Variants in NRXN1 observed in about 807,000 individuals in gnomAD.
The protein encoded by NRXN1 is neurexin-1.
In NRXN1, 39 loss-of-function variants were observed where a neutral mutation model predicts 150.9. The ratio of observed to expected loss-of-function variants is 0.26; its 90% CI spans 0.20 to 0.34. NRXN1 has a LOEUF of 0.34. Ranked by LOEUF, NRXN1 falls within the 10% of genes least tolerant of loss-of-function variation. The pLI is 1.00. For missense variants in NRXN1, 1,815 were observed against 1,949.9 expected, an observed-to-expected ratio of 0.93 and a Z score of 1.30; for synonymous variants, 924 against 757.0, an observed-to-expected ratio of 1.22 and a Z score of -3.62.
Position 50,054,615 on chromosome 2 carries a change from G to C in NRXN1, c.3808+340C>G, listed in dbSNP as rs183406862. On this transcript the variant is annotated intron_variant, in intron 20 of 22. Transcript: ENST00000401669. The stretch of plus-strand genomic sequence containing the variant: ...TACATATATTTTAGTTAATAATTTA[G>C]AGGCTGGAACATGTAATATAGTCTA... 3.3e-5 allele frequency among the ~76,000 whole-genome samples: 5 copies of C among 152,202 alleles called. No individual in the cohort carries two copies. The East Asian group carries it at 9.7e-4, about 30-fold the overall frequency.
At chr2:50,049,015 AG>A (rs1340200760) in intron 21 of NRXN1, among the ~76,000 whole-genome samples, 2 of 152,206 alleles carry the variant, frequency 1.3e-5, no homozygotes, top group Non-Finnish European at 2.9e-5. Flanking sequence ...TCTAAAAACC[AG>A]GCAAGGATAC....
chr2:50,300,883 A>C (rs1306898708), intron 17 of NRXN1, among the ~76,000 whole-genome samples: 1 of 152,014 alleles, frequency 6.6e-6, no homozygotes, highest in Non-Finnish European at 1.5e-5. Context: ...TGTATTAGAG[A>C]GGGGGTTTCA....
intron 21 of NRXN1, among the ~76,000 whole-genome samples, chr2:50,011,378 C>T (rs1187129628): frequency 6.6e-6 from 1 of 152,080 alleles, no homozygotes; most frequent in Non-Finnish European, 1.5e-5. Flanking sequence ...TTGGCAGATA[C>T]ACAGAAATAA....
At chr2:49,923,258 A>C (rs2104017606) in intron 22 of NRXN1, among the ~76,000 whole-genome samples, 1 of 152,288 alleles carries the variant, frequency 6.6e-6, no homozygotes, top group East Asian at 1.9e-4. Flanking sequence ...TTGATATAAA[A>C]GGATAGAAAC....
chr2:50,975,403 C>T (rs1254494088), intron 2 of NRXN1, among the ~76,000 whole-genome samples: 1 of 152,056 alleles, frequency 6.6e-6, no homozygotes, highest in African/African-American at 2.4e-5. Context: ...TGCATACATA[C>T]ACACATACAA....
intron 17 of NRXN1, among the ~76,000 whole-genome samples, chr2:50,389,551 T>C (rs1345280301): frequency 6.6e-6 from 1 of 152,048 alleles, no homozygotes. Context: ...TCTTTGTCTT[T>C]TCTCTCTTCT....
intron 5 of NRXN1, among the ~76,000 whole-genome samples, chr2:50,729,659 T>C (rs1304747500): frequency 1.3e-5 from 2 of 152,216 alleles, no homozygotes; most frequent in Non-Finnish European, 2.9e-5. Context: ...GGCCTTTCTT[T>C]TATCCATCAG....
intron 19 of NRXN1, among the ~76,000 whole-genome samples, chr2:50,056,985 G>A (rs532737691): frequency 2.6e-5 from 4 of 152,128 alleles, no homozygotes; most frequent in South Asian, 2.1e-4. Flanking sequence ...GACACCATCC[G>A]AATCTAGGTC....
chr2:49,964,521 G>A (rs1447090262), intron 21 of NRXN1, among the ~76,000 whole-genome samples: 1 of 148,768 alleles, frequency 6.7e-6, no homozygotes, highest in Non-Finnish European at 1.5e-5. Context: ...TGGAGGTTGC[G>A]GTGAGCCGAG....
At chr2:50,746,559 AAACAACAACAACAACAAC>A (rs77543976) in intron 5 of NRXN1, among the ~76,000 whole-genome samples, 80 of 149,178 alleles carry the variant, frequency 5.4e-4, no homozygotes, top group Non-Finnish European at 9.6e-4. Flanking sequence ...CCCTGTCTCA[AAACAACAACAACAACAAC>A]AACAACAACA....
chr2:50,090,836 C>G (rs75392914), intron 19 of NRXN1, among the ~76,000 whole-genome samples: 7,751 of 152,106 alleles, frequency 0.051, 247 homozygotes, highest in South Asian at 0.083. Flanking sequence ...CTATTGTTTT[C>G]TCACTAGTTC....
At chr2:50,868,144 T>TAC (rs1677211936) in intron 5 of NRXN1, among the ~76,000 whole-genome samples, 1 of 4,180 alleles carries the variant, frequency 2.4e-4, no homozygotes, top group South Asian at 8.3e-3. Context: ...CAAAATATTA[T>TAC]ATATATATAT....
intron 5 of NRXN1, among the ~76,000 whole-genome samples, chr2:50,772,701 G>A (rs1703153632): frequency 6.6e-6 from 1 of 152,064 alleles, no homozygotes; most frequent in African/African-American, 2.4e-5. Context: ...GTCACTGGTT[G>A]AATTTTTTAT....
At chr2:50,689,574 T>C (rs1387818236) in intron 5 of NRXN1, among the ~76,000 whole-genome samples, 1 of 152,174 alleles carries the variant, frequency 6.6e-6, no homozygotes, top group African/African-American at 2.4e-5. Flanking sequence ...ATATTTTTAA[T>C]CTAAGTTTAG....
chr2:50,752,739 A>G (rs2105337425), intron 5 of NRXN1, among the ~76,000 whole-genome samples: 1 of 151,912 alleles, frequency 6.6e-6, no homozygotes, highest in East Asian at 1.9e-4. Context: ...TTTCCAAGGC[A>G]TCCATTTTAC....
At chr2:50,817,834 G>T (rs1279193145) in intron 5 of NRXN1, among the ~76,000 whole-genome samples, 3 of 151,688 alleles carry the variant, frequency 2.0e-5, no homozygotes, top group Non-Finnish European at 4.4e-5. Context: ...AACAAACTAG[G>T]AATAGAAAAA....
intron 17 of NRXN1, among the ~76,000 whole-genome samples, chr2:50,359,910 C>A (rs1453968779): frequency 1.3e-5 from 2 of 152,220 alleles, no homozygotes; most frequent in African/African-American, 4.8e-5. Context: ...GCAGCTCTCT[C>A]TGCAGAAACC....
chr2:50,543,315 G>T (rs779673342), intron 9 of NRXN1, among the ~76,000 whole-genome samples: 4 of 152,120 alleles, frequency 2.6e-5, no homozygotes, highest in Non-Finnish European at 4.4e-5. Context: ...TAAAATTGGG[G>T]AAAAGTTCAT....
At chr2:50,285,063 G>T (rs2071952508) in intron 17 of NRXN1, among the ~76,000 whole-genome samples, 1 of 151,988 alleles carries the variant, frequency 6.6e-6, no homozygotes, top group Admixed American at 6.6e-5. Flanking sequence ...CCAATTTTTG[G>T]TGAATCAATG....
Sources: allele counts gnomAD v4.1 joint callset (sites outside exome capture counted in the v4.1 genomes callset), GRCh38; gene constraint gnomAD v4.1.1; transcripts MANE v1.5; gene names NCBI Gene and HGNC (gene_info 2026-07-23, HGNC 2026-07-21).